The following DAAM1 variants were observed in gnomAD, a reference collection of about 807,000 sequenced individuals.
DAAM1 encodes disheveled-associated activator of morphogenesis 1.
Under a neutral mutation model 130.0 loss-of-function variants are expected in DAAM1, and 52 were observed. The ratio of observed to expected loss-of-function variants is 0.40; its 90% confidence interval spans 0.32 to 0.50. The LOEUF (loss-of-function observed/expected upper bound fraction) is 0.50. Ranked by LOEUF, DAAM1 falls within the 20% of genes least tolerant of loss-of-function variation. DAAM1 has a pLI of 0.61. For synonymous variants in DAAM1, 452 were observed against 444.5 expected (o/e 1.02, Z -0.21); for missense variants, 1,134 against 1,303.8 (o/e 0.87, Z 2.01).
intron 2 of DAAM1, among the ~76,000 whole-genome samples, chr14:59,283,434 C>T (rs1883305810): frequency 6.6e-6 from 1 of 152,114 alleles, no homozygotes; most frequent in African/African-American, 2.4e-5. Flanking sequence ...TGTAAAAAAT[C>T]CCTCATTGCT....
rs553779788 is a variant in DAAM1, at chr14:59,370,340, C to T, written c.*1481C>T. The T allele has an allele frequency of 1.3e-5, 2 of 151,872 alleles. No homozygotes were observed. Among genetic ancestry groups the T allele is most frequent in the East Asian group, 3.9e-4 (2 of 5,176 alleles). 9.4% of individuals were successfully genotyped at this position (151,872 alleles called of 1,614,324 possible). ...TCAATTAACAAATATTTATTAAGTT[C>T]CTACTATGTACCAGGCATAGTAGGG... On this transcript the variant is annotated 3_prime_UTR_variant, in exon 25 of 25. Coordinates refer to ENST00000360909, the MANE Select transcript of DAAM1 (RefSeq NM_001270520.2).
At chr14:59,219,861 G>C (rs997430621) in intron 1 of DAAM1, among the ~76,000 whole-genome samples, 3 of 152,112 alleles carry the variant, frequency 2.0e-5, no homozygotes, top group South Asian at 2.1e-4. Flanking sequence ...TGAGGACTTT[G>C]GTGCCACTTC....
chr14:59,327,576 T>G (rs1482918278), intron 12 of DAAM1, among the ~76,000 whole-genome samples: 1 of 151,784 alleles, frequency 6.6e-6, no homozygotes, highest in Non-Finnish European at 1.5e-5. Flanking sequence ...TCCGGCTAAT[T>G]TTTTGTATTT....
intron 2 of DAAM1, among the ~76,000 whole-genome samples, 169 bp from the exon 3 acceptor site, chr14:59,291,048 C>T (rs1883719091): frequency 1.3e-5 from 2 of 152,136 alleles, no homozygotes; most frequent in Admixed American, 1.3e-4. Context: ...CAGGGACATG[C>T]TTTCTTCTTG....
At chr14:59,327,563 A>G (rs1885263556) in intron 12 of DAAM1, among the ~76,000 whole-genome samples, 1 of 151,658 alleles carries the variant, frequency 6.6e-6, no homozygotes, top group African/African-American at 2.4e-5. Context: ...GCCCGCCATC[A>G]CATCCGGCTA....
intron 1 of DAAM1, among the ~76,000 whole-genome samples, chr14:59,225,032 T>G (rs185579016): frequency 0.066 from 9,288 of 140,656 alleles, 654 homozygotes; most frequent in Non-Finnish European, 0.094. Context: ...TTTTTTTTTT[T>G]TTTTTTTTTT....
intron 3 of DAAM1, among the ~76,000 whole-genome samples, chr14:59,296,385 G>T (rs1594806447): frequency 6.6e-6 from 1 of 152,188 alleles, no homozygotes; most frequent in Admixed American, 6.5e-5. Context: ...AAGTTAGTGT[G>T]TGATTTGTTT....
intron 20 of DAAM1, among the ~76,000 whole-genome samples, chr14:59,356,241 C>T (rs1334911289): frequency 1.3e-5 from 2 of 152,050 alleles, no homozygotes; most frequent in African/African-American, 4.8e-5. Context: ...GGGCTTTTAC[C>T]CTATATTTTC....
intron 3 of DAAM1, among the ~76,000 whole-genome samples, chr14:59,309,802 A>T (rs1243276854): frequency 6.6e-6 from 1 of 152,212 alleles, no homozygotes; most frequent in Non-Finnish European, 1.5e-5. Flanking sequence ...CAGAGGGGGA[A>T]GTTAGCAGAA....
chr14:59,352,327 A>G (rs893127426), intron 17 of DAAM1, among the ~76,000 whole-genome samples, 199 bp from the exon 18 acceptor site: 9 of 152,342 alleles, frequency 5.9e-5, no homozygotes, highest in Non-Finnish European at 1.0e-4. Context: ...CCAGGAATGA[A>G]TCTTATACCC....
chr14:59,200,427 A>G (rs541843105), intron 1 of DAAM1, among the ~76,000 whole-genome samples: 12 of 152,334 alleles, frequency 7.9e-5, no homozygotes, highest in Non-Finnish European at 1.5e-4. Flanking sequence ...AGGGCTCTGA[A>G]GAGGATTAGC....
chr14:59,188,986 C>T (rs532447832), intron 1 of DAAM1, among the ~76,000 whole-genome samples: 1 of 152,152 alleles, frequency 6.6e-6, no homozygotes, highest in African/African-American at 2.4e-5. Context: ...GGCTGCCTAG[C>T]TGGGGGTGGG....
chr14:59,263,585 T>G lies in DAAM1; in HGVS notation c.108T>G (p.Phe36Leu). 6.2e-7 allele frequency: 1 copy of G among 1,614,170 alleles called. No individual in the cohort carries two copies. The highest frequency in any genetic ancestry group is 1.1e-5 in the South Asian group (1 of 91,084). ...ATCGGCTGCGAAATGATAGCAACTT[T>G]GCGCTTCAGACCATGGAACCAGCAT... ...ITYRLRNDSN[F>L]ALQTMEPALP... is the part of the protein sequence containing the mutation. Residue 36 changes from phenylalanine to leucine, a missense_variant, in exon 2 of 25, where the codon TTT (phenylalanine) becomes TTG (leucine). Physicochemically the swap from Phe to Leu is conservative, Grantham distance 22. Around this residue, in one of 3 missense-constraint regions of DAAM1, gnomAD observed 99 missense variants for 86.4 expected, o/e 1.15. Coordinates refer to ENST00000360909, the MANE Select transcript of DAAM1 (RefSeq NM_001270520.2).
In DAAM1 at chr14:59,263,558, G is replaced by C; in HGVS notation, c.81G>C (p.Thr27=). ...CFRNNDHPEI[T]YRLRNDSNFA... ...GAAATAATGATCACCCAGAAATCAC[G>C]TATCGGCTGCGAAATGATAGCAACT... The change falls in exon 2 of 25, where the codon ACG becomes ACC. Residue 27 remains threonine (T), a synonymous_variant. Transcript: ENST00000360909. 2 of 1,614,140 alleles carry C rather than the reference G, an allele frequency of 1.2e-6. No individual in the cohort carries two copies. Among genetic ancestry groups the C allele is most frequent in the East Asian group, 2.2e-5 (1 of 44,884 alleles).
intron 23 of DAAM1, among the ~76,000 whole-genome samples, chr14:59,365,602 C>G (rs766505835): frequency 7.9e-5 from 12 of 151,976 alleles, no homozygotes; most frequent in Non-Finnish European, 1.8e-4. Context: ...TAAGCCAATA[C>G]TTGTTTTATT....
At chr14:59,330,739 T>G (rs2146011) in intron 13 of DAAM1, 51 bp downstream of exon 13, 93,757 of 1,525,964 alleles carry the variant, frequency 0.061, 4,539 homozygotes, top group African/African-American at 0.26. Flanking sequence ...TCACTGACCC[T>G]AGAGCCCCTC....
intron 1 of DAAM1, among the ~76,000 whole-genome samples, chr14:59,235,869 G>A (rs1205534374): frequency 2.0e-5 from 3 of 152,108 alleles, no homozygotes; most frequent in Non-Finnish European, 2.9e-5. Context: ...CCAGCCAATT[G>A]CTTTGAAAGA....
chr14:59,326,840 CT>C (rs1885221379), intron 11 of DAAM1, 92 bp from the exon 12 acceptor site: 23 of 1,558,918 alleles, frequency 1.5e-5, no homozygotes, highest in Non-Finnish European at 2.0e-5. Flanking sequence ...AGGATTTTCT[CT>C]GCAGTAGACT....
intron 4 of DAAM1, among the ~76,000 whole-genome samples, chr14:59,318,868 A>G (rs748198993): frequency 1.3e-5 from 2 of 152,124 alleles, no homozygotes; most frequent in South Asian, 2.1e-4. Context: ...CAAATGTGCC[A>G]CCCTCTCCAG....
Sources: gnomAD v4.1 joint callset for allele counts (sites outside exome capture counted in the v4.1 genomes callset) on GRCh38, gnomAD v4.1.1 for gene constraint, gnomAD v4.1.1 regional missense constraint, MANE v1.5 for transcripts, NCBI Gene and HGNC (gene_info 2026-07-23, HGNC 2026-07-21) for gene names.